Variants in ADAMTSL1 observed in about 807,000 individuals in gnomAD.
ADAMTSL1 encodes ADAMTS like 1, also known as ADAMTS-like protein 1.
A neutral mutation model predicts 201.8 loss-of-function variants in ADAMTSL1; 126 were observed. The observed-to-expected ratio is 0.62, with a 90% CI of 0.54 to 0.72. The LOEUF is 0.72. Among genes scored for constraint, ADAMTSL1 ranks in the 30% least tolerant of loss-of-function variants. The probability of loss-of-function intolerance (pLI) is 0.00; values close to 1 mark genes in which losing one functional copy is unlikely to be tolerated. For synonymous variants in ADAMTSL1, 1,121 were observed against 903.4 expected (o/e 1.24, Z -4.32); for missense variants, 2,679 against 2,277.8 (o/e 1.18, Z -3.59).
intron 2 of ADAMTSL1, among the ~76,000 whole-genome samples, chr9:18,292,082 C>A (rs1167323251): frequency 1.3e-5 from 2 of 152,092 alleles, no homozygotes; most frequent in Non-Finnish European, 2.9e-5. Context: ...AGAAGACCAG[C>A]CTGTGTCAGA....
intron 1 of ADAMTSL1, among the ~76,000 whole-genome samples, chr9:18,496,920 C>A (rs1822562079): frequency 6.6e-6 from 1 of 152,160 alleles, no homozygotes; most frequent in South Asian, 2.1e-4. Flanking sequence ...CTAACTGGCT[C>A]ACCAGGAAGT....
chr9:18,603,002 C>G (rs117456447), intron 4 of ADAMTSL1, among the ~76,000 whole-genome samples: 1 of 152,052 alleles, frequency 6.6e-6, no homozygotes. Context: ...AATATTTTTA[C>G]GTAAAATGAG....
chr9:18,184,412 A>G (rs1290095665), intron 2 of ADAMTSL1, among the ~76,000 whole-genome samples: 3 of 152,198 alleles, frequency 2.0e-5, no homozygotes, highest in African/African-American at 7.2e-5. Context: ...CCTACACAAA[A>G]CTTTTACAAG....
chr9:18,278,390 C>G (rs1587454022), intron 2 of ADAMTSL1, among the ~76,000 whole-genome samples: 1 of 152,264 alleles, frequency 6.6e-6, no homozygotes, highest in East Asian at 1.9e-4. Context: ...CTTCATCTCT[C>G]TTTTGTTTCT....
intron 23 of ADAMTSL1, among the ~76,000 whole-genome samples, chr9:18,842,910 T>C (rs1825822846): frequency 6.6e-6 from 1 of 152,180 alleles, no homozygotes; most frequent in Non-Finnish European, 1.5e-5. Flanking sequence ...CATCCTTTTA[T>C]TTTGAGCCTA....
chr9:17,982,473 G>A lies in ADAMTSL1; in HGVS notation c.87+75551G>A, dbSNP rs561892985. On this transcript the variant is annotated intron_variant, in intron 1 of 29. Coordinates refer to the ADAMTSL1 transcript ENST00000680146. ...CTAAAAATACAAAAATTAGCTGGTC[G>A]TGGTGGTGGACGCTTGTAGTCCCAT... Among the ~76,000 whole-genome samples the A allele has an allele frequency of 4.6e-5, 7 of 152,152 alleles. No individual in the cohort carries two copies. The East Asian group carries it at 7.8e-4, about 17-fold the overall frequency.
chr9:17,983,006 G>C (rs1198168942), intron 1 of ADAMTSL1, among the ~76,000 whole-genome samples: 1 of 145,756 alleles, frequency 6.9e-6, no homozygotes, highest in East Asian at 2.1e-4. Flanking sequence ...CTAGGCATTA[G>C]TACTTCCTCC....
intron 1 of ADAMTSL1, among the ~76,000 whole-genome samples, chr9:17,970,676 A>G (rs1469913326): frequency 1.3e-5 from 2 of 151,958 alleles, no homozygotes; most frequent in Admixed American, 6.6e-5. Context: ...CTCATGCATC[A>G]TCTTCTGCAG....
intron 1 of ADAMTSL1, among the ~76,000 whole-genome samples, chr9:18,022,188 G>A (rs946291942): frequency 1.3e-5 from 2 of 152,050 alleles, no homozygotes; most frequent in Non-Finnish European, 2.9e-5. Flanking sequence ...GTGGCCCCAA[G>A]GGAAAGATCA....
At chr9:18,520,282 G>A (rs778729415) in intron 2 of ADAMTSL1, among the ~76,000 whole-genome samples, 13 of 152,192 alleles carry the variant, frequency 8.5e-5, no homozygotes, top group Non-Finnish European at 1.9e-4. Context: ...TGTTGTCTTA[G>A]ACCGTTTACC....
intron 1 of ADAMTSL1, among the ~76,000 whole-genome samples, chr9:18,109,988 A>G (rs1381986613): frequency 6.6e-6 from 1 of 152,218 alleles, no homozygotes; most frequent in African/African-American, 2.4e-5. Context: ...TGATCCAGAA[A>G]GAGAAAGAGG....
chr9:17,989,806 T>C (rs560791837), intron 1 of ADAMTSL1, among the ~76,000 whole-genome samples: 1 of 152,006 alleles, frequency 6.6e-6, no homozygotes, highest in South Asian at 2.1e-4. Flanking sequence ...TTAAGCCTTT[T>C]CAAACTTAAA....
intron 2 of ADAMTSL1, among the ~76,000 whole-genome samples, chr9:18,520,509 A>G (rs1227454532): frequency 2.6e-5 from 4 of 152,236 alleles, no homozygotes; most frequent in Non-Finnish European, 4.4e-5. Context: ...TCTAGTTCAC[A>G]AGTTACAGCA....
chr9:18,886,377 C>A (rs1002022096), intron 23 of ADAMTSL1, among the ~76,000 whole-genome samples: 1 of 151,514 alleles, frequency 6.6e-6, no homozygotes, highest in Non-Finnish European at 1.5e-5. Flanking sequence ...CCGAGCGAGA[C>A]CCTGTCAACA....
At chr9:18,335,270 A>G (rs1287361221) in intron 2 of ADAMTSL1, among the ~76,000 whole-genome samples, 1 of 152,156 alleles carries the variant, frequency 6.6e-6, no homozygotes, top group Non-Finnish European at 1.5e-5. Flanking sequence ...CAGCAGGTGG[A>G]AAATATTCTA....
intron 1 of ADAMTSL1, among the ~76,000 whole-genome samples, chr9:17,994,092 G>GTGTGTA (rs747192375): frequency 2.1e-5 from 3 of 141,572 alleles, no homozygotes; most frequent in Non-Finnish European, 3.1e-5. Context: ...GAATCTCATT[G>GTGTGTA]TGTGTGTGTG....
At chr9:18,754,943 A>G (rs528463771) in intron 16 of ADAMTSL1, among the ~76,000 whole-genome samples, 4 of 152,306 alleles carry the variant, frequency 2.6e-5, no homozygotes, top group African/African-American at 9.6e-5. Flanking sequence ...GTAAATCCTC[A>G]CAACAATTCA....
chr9:18,636,547 C>T (rs1480630995), intron 6 of ADAMTSL1, among the ~76,000 whole-genome samples: 1 of 152,178 alleles, frequency 6.6e-6, no homozygotes, highest in Non-Finnish European at 1.5e-5. Context: ...TCAGGGACCT[C>T]ATATCTTAAA....
intron 23 of ADAMTSL1, among the ~76,000 whole-genome samples, chr9:18,865,164 A>G (rs1038790544): frequency 9.9e-5 from 15 of 152,048 alleles, no homozygotes; most frequent in Non-Finnish European, 1.6e-4. Context: ...AACATTAGGT[A>G]TATCTCCTAA....
Sources: gnomAD v4.1 joint callset for allele counts (sites outside exome capture counted in the v4.1 genomes callset) on GRCh38, gnomAD v4.1.1 for gene constraint, MANE v1.5 for transcripts, NCBI Gene and HGNC (gene_info 2026-07-23, HGNC 2026-07-21) for gene names.